The following ACSM3 variants were observed in gnomAD, a reference collection of about 807,000 sequenced individuals.
ACSM3 encodes acyl-coenzyme A synthetase ACSM3, mitochondrial.
Under a neutral mutation model 74.1 loss-of-function variants are expected in ACSM3, and 61 were observed. The ratio of observed to expected loss-of-function variants is 0.82; its 90% CI spans 0.67 to 1.02. The LOEUF is 1.02. ACSM3 is among the 50% of genes least tolerant of loss of function. ACSM3 has a pLI of 0.00. For missense variants in ACSM3, 660 were observed against 697.0 expected (o/e 0.95, Z 0.60); for synonymous variants, 213 against 241.5 (o/e 0.88, Z 1.09).
intron 1 of ACSM3, chr16:20,737,947 T>G: frequency 6.3e-7 from 1 of 1,590,332 alleles, no homozygotes; most frequent in Non-Finnish European, 8.5e-7. Context: ...ATGCACCAAT[T>G]TCTCAGGCTC....
chr16:20,729,492 C>T, intron 1 of ACSM3: 1 of 637,230 alleles, frequency 1.6e-6, no homozygotes, highest in Admixed American at 2.3e-5. Context: ...AGTGTGCTTG[C>T]TGAGCATCCA....
chr16:20,736,585 C>A lies in ACSM3; in HGVS notation c.-189-13325C>A, dbSNP rs565360576. ...TTTTCTACTTCACAGGTAGTTCACT[C>A]CCTTAAGTCAGCTGGCACTGCAGAA... is the stretch of plus-strand genomic sequence containing the variant. On this transcript the variant is annotated intron_variant, in intron 1 of 3. Transcript: ENST00000561584. The A allele has an allele frequency of 1.5e-5, 5 of 329,382 alleles. No individual in the cohort carries two copies. In the East Asian group the frequency reaches 2.7e-4, roughly 18 times the overall value. The allele number at this position is 329,382 out of a possible 1,614,324, so 20.4% of individuals were successfully genotyped here.
chr16:20,740,101 C>T (rs2079904122), intron 1 of ACSM3, among the ~76,000 whole-genome samples: 1 of 152,094 alleles, frequency 6.6e-6, no homozygotes, highest in Admixed American at 6.5e-5. Flanking sequence ...ATACATTGTT[C>T]AATAATTTTG....
intron 12 of ACSM3, 55 bp from the exon 13 acceptor site, chr16:20,796,315 C>A: frequency 1.3e-6 from 2 of 1,589,534 alleles, no homozygotes; most frequent in Non-Finnish European, 1.7e-6. Flanking sequence ...ACAAGACATA[C>A]TAAAACATAC....
At chr16:20,760,063 A>G (rs944468450), upstream of ACSM3, among the ~76,000 whole-genome samples, 5 of 152,138 alleles carry the variant, frequency 3.3e-5, no homozygotes, top group Non-Finnish European at 7.4e-5. Flanking sequence ...TTCAAGCACA[A>G]CTGACCAACA....
intron 1 of ACSM3, among the ~76,000 whole-genome samples, chr16:20,706,583 A>G (rs1390309632): frequency 2.0e-5 from 3 of 152,238 alleles, no homozygotes; most frequent in African/African-American, 7.2e-5. Context: ...GTAGACCCAC[A>G]CCCAGGTGGT....
intron 2 of ACSM3, among the ~76,000 whole-genome samples, chr16:20,774,687 T>A (rs913337829): frequency 9.2e-5 from 14 of 152,190 alleles, no homozygotes; most frequent in Non-Finnish European, 4.4e-5. Flanking sequence ...TTGTTATTGA[T>A]AGGTGTTATT....
chr16:20,748,649 T>C, intron 1 of ACSM3, among the ~76,000 whole-genome samples: 1 of 152,202 alleles, frequency 6.6e-6, no homozygotes, highest in East Asian at 1.9e-4. Context: ...AAAGTTGAGG[T>C]TGAGACTCAG....
At chr16:20,730,162 A>G (rs1016697089) in intron 1 of ACSM3, among the ~76,000 whole-genome samples, 18 of 152,308 alleles carry the variant, frequency 1.2e-4, no homozygotes, top group African/African-American at 4.1e-4. Context: ...ATCCCACCAG[A>G]GAGGATAGGG....
intron 1 of ACSM3, chr16:20,733,628 A>T (rs2079844479): frequency 6.6e-6 from 1 of 152,020 alleles, no homozygotes; most frequent in African/African-American, 2.4e-5. Context: ...AGATTTACTA[A>T]GAGTCAGAAA....
At chr16:20,745,060 G>A (rs951738363) in intron 1 of ACSM3, among the ~76,000 whole-genome samples, 6 of 152,260 alleles carry the variant, frequency 3.9e-5, no homozygotes, top group African/African-American at 7.2e-5. Context: ...CCGGGGCTGC[G>A]TCCACTTACT....
At chr16:20,741,550 G>T in intron 1 of ACSM3, 1 of 1,579,766 alleles carries the variant, frequency 6.3e-7, no homozygotes, top group Non-Finnish European at 8.6e-7. Context: ...TCGTTGAGGA[G>T]GCTGTAGGCC....
At chr16:20,684,705 C>T (rs1483330652) in intron 1 of ACSM3, among the ~76,000 whole-genome samples, 1 of 152,154 alleles carries the variant, frequency 6.6e-6, no homozygotes, top group Non-Finnish European at 1.5e-5. Context: ...ATAGGTGTCA[C>T]AATGCCCACT....
chr16:20,733,382 C>T (rs993421378), intron 1 of ACSM3, among the ~76,000 whole-genome samples: 4 of 151,920 alleles, frequency 2.6e-5, no homozygotes, highest in African/African-American at 9.7e-5. Flanking sequence ...TATTAAAATA[C>T]TGTTAAAATG....
intron 1 of ACSM3, among the ~76,000 whole-genome samples, chr16:20,712,227 A>T (rs1161854151): frequency 6.6e-6 from 1 of 152,160 alleles, no homozygotes; most frequent in Non-Finnish European, 1.5e-5. Context: ...TCTATGTAAC[A>T]ACAGCAGAGT....
In ACSM3 at chr16:20,786,113, T is replaced by G. The variant is rs752632741; in HGVS notation, c.1179T>G (p.Ile393Met). Reference protein sequence around the residue: ...LICGNFKGMKIKPGSMGKPSP... With the variant: ...LICGNFKGMKMKPGSMGKPSP... ...GTGGAAATTTTAAGGGAATGAAAAT[T>G]AAACCTGGCTCAATGGGAAAACCTT... The change falls in exon 9 of 14, where the codon ATT becomes ATG. Residue 393 changes from isoleucine to methionine, a missense_variant. By Grantham distance (10) the Ile-to-Met change is conservative. Coordinates refer to ENST00000289416, the MANE Select transcript of ACSM3 (RefSeq NM_005622.4). 1.2e-6 allele frequency: 2 copies of G among 1,603,260 alleles called. No individual in the cohort carries two copies. The highest frequency in any genetic ancestry group is 1.1e-5 in the South Asian group (1 of 88,884).
intron 10 of ACSM3, chr16:20,791,009 C>T (rs2080585289): frequency 1.4e-6 from 2 of 1,463,940 alleles, no homozygotes; most frequent in Admixed American, 3.8e-5. Context: ...TCCTGAAATC[C>T]AGTTAGTGCT....
intron 1 of ACSM3, among the ~76,000 whole-genome samples, chr16:20,744,312 A>G (rs1158394361): frequency 6.6e-6 from 1 of 152,238 alleles, no homozygotes; most frequent in Non-Finnish European, 1.5e-5. Context: ...CTGTTGTAAC[A>G]AGTAGCCAAA....
intron 1 of ACSM3, chr16:20,736,844 C>T (rs2079873758): frequency 1.9e-6 from 3 of 1,596,930 alleles, no homozygotes; most frequent in Admixed American, 1.7e-5. Context: ...CGTAGAGCCC[C>T]AGGTGAGAAA....
Sources: allele counts gnomAD v4.1 joint callset (sites outside exome capture counted in the v4.1 genomes callset), GRCh38; gene constraint gnomAD v4.1.1; transcripts MANE v1.5; gene names NCBI Gene and HGNC (gene_info 2026-07-23, HGNC 2026-07-21).